Variants in FRMD4B observed in about 807,000 individuals in gnomAD.
The protein encoded by FRMD4B is FERM domain containing 4B.
In FRMD4B, 74 loss-of-function variants were observed where a neutral mutation model predicts 141.5. That is an observed-to-expected ratio of 0.52 (90% CI 0.43 to 0.63). The LOEUF (loss-of-function observed/expected upper bound fraction) is 0.63, where lower values mean the gene tolerates loss of function less well. Among genes scored for constraint, FRMD4B ranks in the 30% least tolerant of loss-of-function variants. The pLI is 0.00. For synonymous variants in FRMD4B, 506 were observed against 467.9 expected (o/e 1.08, Z -1.05); for missense variants, 1,366 against 1,253.4 (o/e 1.09, Z -1.36).
chr3:69,349,766 A>G (rs1157575561), intron 1 of FRMD4B, among the ~76,000 whole-genome samples: 141 of 152,238 alleles, frequency 9.3e-4, no homozygotes, highest in Non-Finnish European at 1.4e-3. Context: ...AAACTGGCTA[A>G]CCATATGTAG....
At chr3:69,312,907 A>C (rs1027951051) in intron 2 of FRMD4B, among the ~76,000 whole-genome samples, 1 of 151,936 alleles carries the variant, frequency 6.6e-6, no homozygotes, top group Non-Finnish European at 1.5e-5. Context: ...AAATATATCT[A>C]TCTATATCAT....
chr3:69,489,016 A>C (rs1315517221), intron 1 of FRMD4B, among the ~76,000 whole-genome samples: 3 of 152,092 alleles, frequency 2.0e-5, no homozygotes, highest in African/African-American at 4.8e-5. Context: ...CACAAGCAGT[A>C]AAAGAGAAGG....
At chr3:69,184,004 TC>T (rs2092738762) in intron 19 of FRMD4B, among the ~76,000 whole-genome samples, 1 of 151,722 alleles carries the variant, frequency 6.6e-6, no homozygotes, top group Admixed American at 6.6e-5. Flanking sequence ...CGAGTGATCC[TC>T]CCACCTCAGC....
chr3:69,481,744 C>A (rs970335046), intron 1 of FRMD4B, among the ~76,000 whole-genome samples: 4 of 152,156 alleles, frequency 2.6e-5, no homozygotes, highest in African/African-American at 9.7e-5. Context: ...AAATCTCAAT[C>A]TTTAGGGCCC....
At chr3:69,402,496 T>G (rs1277886196) in intron 2 of FRMD4B, among the ~76,000 whole-genome samples, 2 of 152,182 alleles carry the variant, frequency 1.3e-5, no homozygotes, top group African/African-American at 4.8e-5. Context: ...TCTCTCTTAC[T>G]TTAGGAGATC....
rs545777483 is a variant in FRMD4B, at chr3:69,287,821, G to T, written c.432C>A (p.Ser144Arg). 4 of 1,569,490 alleles carry T rather than the reference G, an allele frequency of 2.5e-6. No individual in the cohort carries two copies. The South Asian group carries it at 3.4e-5, about 13-fold the overall frequency. ...LHFAVRFYIESISFLKDKTTV... is the reference protein window; with the variant it reads ...LHFAVRFYIERISFLKDKTTV... Reference sequence around the variant, plus strand: ...TGGTTTTATCCTTTAAAAACGATATGCTCTCAATGTAAAACCTGAAAAACA... The same window carrying T: ...TGGTTTTATCCTTTAAAAACGATATTCTCTCAATGTAAAACCTGAAAAACA... The change falls in exon 5 of 23, where the codon AGC becomes AGA. Residue 144 changes from serine to arginine, a missense_variant. Transcript: ENST00000398540.
At chr3:69,279,644 T>G (rs114216555) in intron 5 of FRMD4B, among the ~76,000 whole-genome samples, 296 of 150,976 alleles carry the variant, frequency 2.0e-3, no homozygotes, top group African/African-American at 7.0e-3. Context: ...CTCTTAAGAG[T>G]TGAGTTGCTA....
At chr3:69,384,817 C>G (rs890783720) in intron 1 of FRMD4B, among the ~76,000 whole-genome samples, 1 of 152,056 alleles carries the variant, frequency 6.6e-6, no homozygotes, top group Non-Finnish European at 1.5e-5. Flanking sequence ...TATGGTTTGT[C>G]AAAATCAAGT....
In FRMD4B at chr3:69,216,300, C is replaced by T; in HGVS notation, c.839G>A (p.Gly280Asp). The change falls in exon 11 of 23, where the codon GGC (glycine) becomes GAC (aspartate). Residue 280 changes from glycine (G) to aspartate (D), a missense_variant. Coordinates refer to ENST00000398540, the MANE Select transcript of FRMD4B (RefSeq NM_015123.3). ...WWLGISYKGI[G>D]QYDIQDKVKP... ...CACCTTGTCTTGTATATCATATTGG[C>T]CAATTCCCTTATAGCTTATTCCAAG... 6.3e-7 allele frequency: 1 copy of T among 1,579,418 alleles called. No homozygotes were observed. The highest frequency in any genetic ancestry group is 1.2e-5 in the South Asian group (1 of 86,740).
chr3:69,227,214 C>G (rs1388209386), intron 7 of FRMD4B, among the ~76,000 whole-genome samples: 2 of 152,130 alleles, frequency 1.3e-5, no homozygotes, highest in Non-Finnish European at 2.9e-5. Flanking sequence ...TAAATTACTA[C>G]AGGTTAATCA....
chr3:69,183,607 G>A lies in FRMD4B; in HGVS notation c.1920-890C>T, dbSNP rs551546961. Among the ~76,000 whole-genome samples the A allele has an allele frequency of 5.5e-5, 8 of 146,352 alleles. No individual in the cohort carries two copies. In the East Asian group the frequency reaches 6.4e-4, roughly 12 times the overall value. Reference sequence around the variant, plus strand: ...ACGCCATTCTCCTGCCTCAGCCTCCGGAGTAGCTGGGACCACAGGCGCCCA... The same window carrying A: ...ACGCCATTCTCCTGCCTCAGCCTCCAGAGTAGCTGGGACCACAGGCGCCCA... On this transcript the variant is annotated intron_variant, in intron 19 of 22. Transcript: ENST00000398540.
At chr3:69,232,294 T>G (rs1243463574) in intron 7 of FRMD4B, among the ~76,000 whole-genome samples, 2 of 152,184 alleles carry the variant, frequency 1.3e-5, no homozygotes. Context: ...TTGCTACTTC[T>G]CAGTGACCAA....
At chr3:69,380,723 T>A (rs887898016) in intron 1 of FRMD4B, among the ~76,000 whole-genome samples, 4 of 152,150 alleles carry the variant, frequency 2.6e-5, no homozygotes, top group African/African-American at 9.7e-5. Flanking sequence ...CAGCCTCTTA[T>A]TGGTCACTTA....
chr3:69,237,971 A>G (rs928649736), intron 7 of FRMD4B, among the ~76,000 whole-genome samples: 6 of 152,176 alleles, frequency 3.9e-5, no homozygotes, highest in African/African-American at 9.7e-5. Flanking sequence ...AGCTCAGGCA[A>G]TCGGCCGGCG....
chr3:69,354,880 A>G (rs1703267295), intron 1 of FRMD4B, among the ~76,000 whole-genome samples: 1 of 152,236 alleles, frequency 6.6e-6, no homozygotes, highest in Non-Finnish European at 1.5e-5. Flanking sequence ...TGATGATATC[A>G]GTAGAAAAGG....
At chr3:69,409,157 GC>G (rs1559519211) in intron 2 of FRMD4B, among the ~76,000 whole-genome samples, 1 of 152,272 alleles carries the variant, frequency 6.6e-6, no homozygotes, top group East Asian at 1.9e-4. Context: ...AACTGGCATT[GC>G]TTGGTTCAGC....
rs116531249 is a variant in FRMD4B, at chr3:69,319,438, A to G, written c.163-5921T>C. ...AAAAAACACATTTTTAATGGGAGGA[A>G]TATTACTGACCCATTTTAAAGAAGA... On this transcript the variant is annotated intron_variant, in intron 1 of 22. Transcript: ENST00000398540. 3.5e-3 allele frequency among the ~76,000 whole-genome samples: 529 copies of G among 152,314 alleles called. 4 individuals are homozygous for G. Among genetic ancestry groups the G allele is most frequent in the African/African-American group, 0.012 (515 of 41,574 alleles).
intron 7 of FRMD4B, among the ~76,000 whole-genome samples, chr3:69,226,578 G>A (rs1042092728): frequency 6.6e-6 from 1 of 152,048 alleles, no homozygotes; most frequent in Admixed American, 6.6e-5. Context: ...CCACATGCAT[G>A]TTGTTATTTC....
chr3:69,242,822 G>T (rs112869627), intron 7 of FRMD4B, among the ~76,000 whole-genome samples: 5,201 of 151,244 alleles, frequency 0.034, 318 homozygotes, highest in African/African-American at 0.12. Context: ...GTGAAACCCC[G>T]TCTCTACTAA....
Sources: gnomAD v4.1 joint callset for allele counts (sites outside exome capture counted in the v4.1 genomes callset) on GRCh38, gnomAD v4.1.1 for gene constraint, MANE v1.5 for transcripts, NCBI Gene and HGNC (gene_info 2026-07-23, HGNC 2026-07-21) for gene names.